LIPI: variants seen among roughly 807,000 people sequenced by gnomAD.
LIPI encodes lipase I.
Under a neutral mutation model 50.6 loss-of-function variants are expected in LIPI, and 59 were observed. The observed-to-expected ratio is 1.16, with a 90% confidence interval of 0.94 to 1.45. The LOEUF (loss-of-function observed/expected upper bound fraction) is 1.45. Ranked by LOEUF, LIPI falls within the 40% of genes most tolerant of loss-of-function variation. LIPI has a pLI of 0.00. For synonymous variants in LIPI, 203 were observed against 178.2 expected (o/e 1.14, Z -1.11); for missense variants, 586 against 536.3 (o/e 1.09, Z -0.92).
At chr21:14,178,985 A>C (rs1199099243) in intron 4 of LIPI, among the ~76,000 whole-genome samples, 1 of 152,148 alleles carries the variant, frequency 6.6e-6, no homozygotes, top group Non-Finnish European at 1.5e-5. Context: ...CTTTCTGCAG[A>C]CCATAAGAAG....
chr21:14,153,407 C>T (rs1568852873), intron 7 of LIPI, among the ~76,000 whole-genome samples: 1 of 152,252 alleles, frequency 6.6e-6, no homozygotes, highest in East Asian at 1.9e-4. Flanking sequence ...CAGCCTTAGG[C>T]AAAGTACTTT....
At chr21:14,169,977 A>G (rs528047387) in intron 4 of LIPI, among the ~76,000 whole-genome samples, 1 of 152,274 alleles carries the variant, frequency 6.6e-6, no homozygotes, top group South Asian at 2.1e-4. Context: ...CAAGACTAAT[A>G]AAGAAGAAAA....
chr21:14,111,450 A>G (rs186113360), intron 9 of LIPI, among the ~76,000 whole-genome samples: 3 of 151,902 alleles, frequency 2.0e-5, no homozygotes, highest in Non-Finnish European at 4.4e-5. Flanking sequence ...TGTTTTCTTG[A>G]TATTGAGTTG....
intron 8 of LIPI, among the ~76,000 whole-genome samples, chr21:14,148,269 C>T (rs1455505965): frequency 1.3e-5 from 2 of 151,928 alleles, no homozygotes; most frequent in Admixed American, 1.3e-4. Flanking sequence ...ACAGGTGATC[C>T]CTATTTTCTA....
intron 1 of LIPI, among the ~76,000 whole-genome samples, chr21:14,206,383 C>G (rs1321919996): frequency 6.6e-6 from 1 of 152,108 alleles, no homozygotes; most frequent in African/African-American, 2.4e-5. Flanking sequence ...CTTTTTCATG[C>G]TGGGCAAGCT....
At position 14,134,643 on chromosome 21, in the gene LIPI, T is replaced by C. The variant is rs114958998; in HGVS notation, c.1295+9980A>G. Among the ~76,000 whole-genome samples the C allele has an allele frequency of 3.6e-3, 553 of 152,218 alleles. 4 individuals carry two copies. Among genetic ancestry groups the C allele is most frequent in the African/African-American group, 0.013 (529 of 41,536 alleles). On this transcript the variant is annotated intron_variant, in intron 9 of 9. Transcript: ENST00000681601. ...AGAACACAGTAATAAAGCCATACCCTACAACCAACTGATCTCCAACAAAGT... is the reference window on the plus strand; with the variant it reads ...AGAACACAGTAATAAAGCCATACCCCACAACCAACTGATCTCCAACAAAGT...
chr21:14,198,841 A>G (rs1393590567), intron 1 of LIPI, among the ~76,000 whole-genome samples: 1 of 152,134 alleles, frequency 6.6e-6, no homozygotes, highest in African/African-American at 2.4e-5. Context: ...ATAGTCTAAA[A>G]TCAGACACAT....
chr21:14,208,174 T>C (rs1046459138), intron 1 of LIPI, among the ~76,000 whole-genome samples: 1 of 152,060 alleles, frequency 6.6e-6, no homozygotes, highest in Non-Finnish European at 1.5e-5. Context: ...ATCCCATGGG[T>C]TCTGGAAAGA....
chr21:14,122,732 C>T (rs1051621910), intron 9 of LIPI, among the ~76,000 whole-genome samples: 24 of 152,164 alleles, frequency 1.6e-4, no homozygotes, highest in African/African-American at 5.6e-4. Flanking sequence ...ACACATGCAA[C>T]CCCCTTAATT....
rs73346074 is a variant in LIPI, at chr21:14,185,289, C to T, written c.541+672G>A. On this transcript the variant is annotated intron_variant, in intron 3 of 9. Coordinates refer to ENST00000681601, the MANE Select transcript of LIPI (RefSeq NM_001302998.2). ...TAAAAATTTTTAGAGAGTTGAAATG[C>T]ATCAAAGTTTGTGATAACTAAGTAA... 7.9e-3 allele frequency among the ~76,000 whole-genome samples: 1,197 copies of T among 152,292 alleles called. 19 individuals carry two copies. The highest frequency in any genetic ancestry group is 0.026 in the African/African-American group (1,089 of 41,558).
At chr21:14,154,383 C>CA (rs1233497937) in intron 7 of LIPI, among the ~76,000 whole-genome samples, 1 of 150,768 alleles carries the variant, frequency 6.6e-6, no homozygotes, top group East Asian at 1.9e-4. Context: ...TCAGGAAAGA[C>CA]AAAAAAAGAA....
intron 5 of LIPI, 134 bp downstream of exon 5, chr21:14,166,228 C>T (rs1173384012): frequency 1.4e-6 from 1 of 693,844 alleles, no homozygotes; most frequent in Non-Finnish European, 2.6e-6. Flanking sequence ...CATTGTTAAC[C>T]AATGACTCTC....
intron 9 of LIPI, among the ~76,000 whole-genome samples, chr21:14,116,610 G>A (rs77472061): frequency 0.01 from 1,575 of 152,256 alleles, 20 homozygotes; most frequent in African/African-American, 0.032. Flanking sequence ...GCCCTCTAAT[G>A]TAGGGTGGCC....
intron 9 of LIPI, among the ~76,000 whole-genome samples, chr21:14,137,656 G>A (rs139368254): frequency 1.7e-4 from 26 of 152,092 alleles, no homozygotes; most frequent in African/African-American, 6.3e-4. Context: ...AAGAGATAGG[G>A]GTAGAAAGTT....
chr21:14,126,350 T>C (rs2017064959), intron 9 of LIPI, among the ~76,000 whole-genome samples: 1 of 152,182 alleles, frequency 6.6e-6, no homozygotes, highest in African/African-American at 2.4e-5. Context: ...ATCTATACAA[T>C]AGAATACTAT....
In LIPI at chr21:14,119,177, A is replaced by G. The variant is rs556263927; in HGVS notation, c.1296-10097T>C. The stretch of plus-strand genomic sequence containing the variant: ...ACTAGACTTCTCCAAGGATTTAAAA[A>G]CTCCCCAACTATCTTTGAAGAAGCA... On this transcript the variant is annotated intron_variant, in intron 9 of 9. Coordinates refer to ENST00000681601, the MANE Select transcript of LIPI (RefSeq NM_001302998.2). 2.6e-5 allele frequency among the ~76,000 whole-genome samples: 4 copies of G among 151,750 alleles called. No homozygotes were observed. The South Asian group carries it at 8.3e-4, about 32-fold the overall frequency.
chr21:14,159,947 G>T (rs1157322662), intron 7 of LIPI, among the ~76,000 whole-genome samples: 1 of 151,318 alleles, frequency 6.6e-6, no homozygotes, highest in Admixed American at 6.6e-5. Flanking sequence ...TCTGTATGTT[G>T]AAAATTGTAA....
At chr21:14,187,831 T>G (rs909113953) in intron 2 of LIPI, among the ~76,000 whole-genome samples, 1 of 152,208 alleles carries the variant, frequency 6.6e-6, no homozygotes, top group African/African-American at 2.4e-5. Flanking sequence ...TAAATATTTT[T>G]GTAACATGTT....
intron 1 of LIPI, among the ~76,000 whole-genome samples, chr21:14,195,315 A>G (rs1030752173): frequency 6.6e-6 from 1 of 152,126 alleles, no homozygotes; most frequent in Admixed American, 6.6e-5. Flanking sequence ...AAGCTGAACA[A>G]TTTTCGAGGT....
Sources: allele counts gnomAD v4.1 joint callset (sites outside exome capture counted in the v4.1 genomes callset), GRCh38; gene constraint gnomAD v4.1.1; transcripts MANE v1.5; gene names NCBI Gene and HGNC (gene_info 2026-07-23, HGNC 2026-07-21).